The following DOCK3 variants were observed in gnomAD, a reference collection of about 807,000 sequenced individuals.
DOCK3 encodes dedicator of cytokinesis protein 3.
DOCK3 carries 60 observed loss-of-function variants against 265.6 expected under a neutral mutation model. The ratio of observed to expected loss-of-function variants is 0.23; its 90% CI spans 0.18 to 0.28. DOCK3 has a LOEUF of 0.28. Ranked by LOEUF, DOCK3 falls within the 10% of genes least tolerant of loss-of-function variation. DOCK3 has a pLI of 1.00. For missense variants in DOCK3, 1,981 were observed against 2,594.3 expected (o/e 0.76, Z 5.14); for synonymous variants, 881 against 938.0 (o/e 0.94, Z 1.11).
chr3:51,260,411 G>A, intron 23 of DOCK3, 85 bp downstream of exon 23: 2 of 1,422,880 alleles, frequency 1.4e-6, no homozygotes, highest in Non-Finnish European at 1.9e-6. Context: ...CAGAGATGAA[G>A]AAGCCCTGCC....
chr3:51,280,195 T>C lies in DOCK3; in HGVS notation c.2913T>C (p.Asp971=), dbSNP rs1311128162. 1 of 1,613,424 alleles carries C rather than the reference T, an allele frequency of 6.2e-7. No individual in the cohort carries two copies. The highest frequency in any genetic ancestry group is 8.5e-7 in the Non-Finnish European group (1 of 1,179,728). Residue 971 remains aspartate (D), a synonymous_variant, in exon 27 of 53, where the codon GAT becomes GAC. Transcript: ENST00000266037. ...TCCTGGACAACTTCCAGAGCAAAGA[T>C]GAACTCAAGGTAGGCAGTAGAACAC... ...QHLLDNFQSK[D]ELKEFLLKIF...
intron 5 of DOCK3, among the ~76,000 whole-genome samples, chr3:51,047,268 G>GC (rs1559985989): frequency 3.8e-4 from 15 of 38,970 alleles, no homozygotes; most frequent in African/African-American, 2.0e-3. Flanking sequence ...GAGGTTGGGG[G>GC]AGGGGGAGGG....
At chr3:51,322,676 C>T (rs1326005255) in intron 32 of DOCK3, among the ~76,000 whole-genome samples, 7 of 152,082 alleles carry the variant, frequency 4.6e-5, no homozygotes, top group East Asian at 1.9e-4. Flanking sequence ...AAGGAGTAAC[C>T]GGTACCAGCC....
intron 27 of DOCK3, among the ~76,000 whole-genome samples, chr3:51,303,094 A>G (rs1485110844): frequency 2.0e-5 from 3 of 150,356 alleles, no homozygotes; most frequent in Non-Finnish European, 4.4e-5. Context: ...ATATTCTCAT[A>G]GCTTTTGTTT....
At chr3:51,327,270 T>C (rs1421563725) in intron 32 of DOCK3, among the ~76,000 whole-genome samples, 3 of 152,134 alleles carry the variant, frequency 2.0e-5, no homozygotes, top group Non-Finnish European at 4.4e-5. Context: ...AAATCAAAAC[T>C]AGCATTTATT....
chr3:51,159,606 C>A (rs147411522), intron 11 of DOCK3, among the ~76,000 whole-genome samples: 1 of 152,278 alleles, frequency 6.6e-6, no homozygotes, highest in Non-Finnish European at 1.5e-5. Flanking sequence ...ATTTCTAACA[C>A]AGTGCCCTAC....
chr3:51,013,166 G>A (rs904512747), intron 5 of DOCK3, among the ~76,000 whole-genome samples: 2 of 152,130 alleles, frequency 1.3e-5, no homozygotes, highest in African/African-American at 2.4e-5. Context: ...TGTCAAAGTT[G>A]TTCTCCGTCC....
intron 5 of DOCK3, among the ~76,000 whole-genome samples, chr3:51,028,482 A>G (rs533866531): frequency 5.3e-4 from 80 of 152,168 alleles, no homozygotes; most frequent in Admixed American, 9.8e-4. Context: ...AAGATTGGGG[A>G]AATTTTTCTG....
At chr3:50,919,343 G>A (rs2050304939) in intron 4 of DOCK3, among the ~76,000 whole-genome samples, 1 of 152,102 alleles carries the variant, frequency 6.6e-6, no homozygotes, top group African/African-American at 2.4e-5. Context: ...AATAACCTTG[G>A]GCACTATGGC....
intron 38 of DOCK3, 21 bp from the exon 39 acceptor site, chr3:51,348,831 C>G (rs1221548023): frequency 1.9e-6 from 3 of 1,559,802 alleles, no homozygotes; most frequent in Non-Finnish European, 2.6e-6. Flanking sequence ...TGCTGAAGCC[C>G]TGTTTCTGTT....
chr3:50,725,539 G>A (rs2037764040), intron 1 of DOCK3, among the ~76,000 whole-genome samples: 1 of 152,076 alleles, frequency 6.6e-6, no homozygotes, highest in Non-Finnish European at 1.5e-5. Context: ...GAACCTTTTT[G>A]GAACTCTGGT....
intron 9 of DOCK3, among the ~76,000 whole-genome samples, chr3:51,112,060 C>T (rs1190525995): frequency 6.6e-6 from 1 of 152,058 alleles, no homozygotes; most frequent in Non-Finnish European, 1.5e-5. Flanking sequence ...ATAATAATAA[C>T]AGATGGTGGT....
chr3:50,846,072 A>G (rs912257097), intron 3 of DOCK3, among the ~76,000 whole-genome samples: 1 of 152,238 alleles, frequency 6.6e-6, no homozygotes, highest in Non-Finnish European at 1.5e-5. Flanking sequence ...TAAGAACGTG[A>G]TAATTCTTTT....
chr3:51,354,632 G>T (rs150195706), intron 40 of DOCK3, among the ~76,000 whole-genome samples: 3 of 152,046 alleles, frequency 2.0e-5, no homozygotes, highest in Admixed American at 6.6e-5. Context: ...TCTTTCCTGC[G>T]TAAGGTTTTT....
rs990385208 is a variant in DOCK3 at position 50,718,870 on chromosome 3, A to G, written c.37+43570A>G. 2.2e-5 allele frequency among the ~76,000 whole-genome samples: 3 copies of G among 136,028 alleles called. No homozygotes were observed. In the Admixed American group the frequency reaches 2.5e-4, roughly 11 times the overall value. The allele number at this position is 136,028 out of a possible 152,430, so 89.2% of individuals were successfully genotyped here. A position where few individuals can be genotyped will look rare whatever the true frequency, so the allele number is the denominator to read the frequency against. On this transcript the variant is annotated intron_variant, in intron 1 of 52. Transcript: ENST00000266037. ...CACGATCTCGGCTCACTTGTGCTCCACCTCCTGGGTTCAAGCCATTCTCCT... is the reference window on the plus strand; with the variant it reads ...CACGATCTCGGCTCACTTGTGCTCCGCCTCCTGGGTTCAAGCCATTCTCCT...
intron 3 of DOCK3, among the ~76,000 whole-genome samples, chr3:50,859,594 T>A (rs2046805805): frequency 6.6e-6 from 1 of 152,056 alleles, no homozygotes; most frequent in Non-Finnish European, 1.5e-5. Flanking sequence ...TGCATGTGGG[T>A]GTTCCTTTAA....
At chr3:50,855,708 T>C (rs1389102351) in intron 3 of DOCK3, among the ~76,000 whole-genome samples, 3 of 152,176 alleles carry the variant, frequency 2.0e-5, no homozygotes, top group Non-Finnish European at 4.4e-5. Flanking sequence ...CAGGGATACA[T>C]GTGCAGGTAT....
At chr3:50,755,641 A>C (rs1403297494) in intron 1 of DOCK3, among the ~76,000 whole-genome samples, 1 of 152,216 alleles carries the variant, frequency 6.6e-6, no homozygotes, top group Non-Finnish European at 1.5e-5. Flanking sequence ...CCAGGAAAGA[A>C]ACTCTGTGCC....
chr3:50,783,164 A>G (rs1000768101), intron 2 of DOCK3, among the ~76,000 whole-genome samples: 1 of 151,934 alleles, frequency 6.6e-6, no homozygotes, highest in Non-Finnish European at 1.5e-5. Context: ...TTTTTGTATG[A>G]TGACTTCTTT....
Sources: allele counts gnomAD v4.1 joint callset (sites outside exome capture counted in the v4.1 genomes callset), GRCh38; gene constraint gnomAD v4.1.1; transcripts MANE v1.5; gene names NCBI Gene and HGNC (gene_info 2026-07-23, HGNC 2026-07-21).